ALOX15: variants seen among roughly 807,000 people sequenced by gnomAD.
ALOX15 encodes polyunsaturated fatty acid lipoxygenase ALOX15.
In ALOX15, 68 loss-of-function variants were observed where a neutral mutation model predicts 71.7. The ratio of observed to expected loss-of-function variants is 0.95; its 90% CI spans 0.78 to 1.16. ALOX15 has a LOEUF of 1.16. Ranked by LOEUF, ALOX15 falls within the 50% of genes most tolerant of loss-of-function variation. The pLI is 0.00. For missense variants in ALOX15, 798 were observed against 818.8 expected, an observed-to-expected ratio of 0.97 and a Z score of 0.31; for synonymous variants, 346 against 333.3, an observed-to-expected ratio of 1.04 and a Z score of -0.42.
chr17:4,631,531 C>G lies in ALOX15; in HGVS notation c.*69G>C, dbSNP rs1013958289. ...GAGGGTGGGACTTGGGAGGGCAGGGCTATAACCACGAAGGGGTCAGCTTGT... is the reference window on the plus strand; with the variant it reads ...GAGGGTGGGACTTGGGAGGGCAGGGGTATAACCACGAAGGGGTCAGCTTGT... On this transcript the variant is annotated 3_prime_UTR_variant, in exon 14 of 14. Coordinates refer to ENST00000293761, the MANE Select transcript of ALOX15 (RefSeq NM_001140.5). 6.4e-7 allele frequency: 1 copy of G among 1,572,888 alleles called. No homozygotes were observed. The highest frequency in any genetic ancestry group is 1.3e-5 in the African/African-American group (1 of 74,420).
intron 8 of ALOX15, 51 bp from the exon 9 acceptor site, chr17:4,633,551 C>A (rs1007077691): frequency 1.3e-6 from 2 of 1,513,400 alleles, no homozygotes; most frequent in African/African-American, 1.4e-5. Context: ...GCTGCAAGAT[C>A]CCTGCAGGAA....
chr17:4,636,438 C>T (rs982395933), intron 7 of ALOX15, among the ~76,000 whole-genome samples: 2 of 152,192 alleles, frequency 1.3e-5, no homozygotes, highest in African/African-American at 4.8e-5. Flanking sequence ...TTTATCGGTG[C>T]TATTTCTGCA....
At chr17:4,632,469 G>A (rs970736541) in intron 11 of ALOX15, among the ~76,000 whole-genome samples, 188 bp from the exon 12 acceptor site, 1 of 152,222 alleles carries the variant, frequency 6.6e-6, no homozygotes, top group Non-Finnish European at 1.5e-5. Flanking sequence ...GTCCCACTCA[G>A]TGGGGTGCTG....
chr17:4,636,636 G>A (rs1911110656), intron 7 of ALOX15, among the ~76,000 whole-genome samples: 3 of 151,972 alleles, frequency 2.0e-5, no homozygotes, highest in African/African-American at 7.3e-5. Flanking sequence ...AAACACCACT[G>A]CCCACACCGC....
At position 4,631,941 on chromosome 17, in the gene ALOX15, G is replaced by A; in HGVS notation, c.1757C>T (p.Ala586Val). 1 of 1,614,126 alleles carries A rather than the reference G, an allele frequency of 6.2e-7. No homozygotes were observed. The highest frequency in any genetic ancestry group is 8.5e-7 in the Non-Finnish European group (1 of 1,180,036). ...VMATLPNFHQ[A>V]SLQMSITWQL... ...CCAAGTGATGGACATCTGGAGAGAAGCCTGGTGGAAGTTGGGCAGTGTCGC... is the reference window on the plus strand; with the variant it reads ...CCAAGTGATGGACATCTGGAGAGAAACCTGGTGGAAGTTGGGCAGTGTCGC... The change falls in exon 13 of 14, where the codon GCT becomes GTT. Residue 586 changes from alanine to valine, a missense_variant. Ala to Val is a moderately conservative substitution (Grantham distance 64). Transcript: ENST00000293761.
intron 12 of ALOX15, 38 bp from the exon 13 acceptor site, chr17:4,632,094 A>T (rs1910926292): frequency 6.2e-7 from 1 of 1,609,428 alleles, no homozygotes; most frequent in African/African-American, 1.3e-5. Context: ...GTGCCTACCA[A>T]GCACGCGAGC....
chr17:4,635,079 C>A (rs1469076020), intron 8 of ALOX15, among the ~76,000 whole-genome samples: 1 of 151,934 alleles, frequency 6.6e-6, no homozygotes, highest in African/African-American at 2.4e-5. Flanking sequence ...CCTCCAGAGC[C>A]TGGTCTCCTC....
rs764536689 is a variant in ALOX15 at position 4,639,149 on chromosome 17, G to T, written c.338-17C>A. 85 of 1,613,802 alleles carry T rather than the reference G, an allele frequency of 5.3e-5. No homozygotes were observed. The highest frequency in any genetic ancestry group is 6.9e-5 in the Non-Finnish European group (82 of 1,179,954). ...CAGTGCGGCCTAGAAGGACAGAGGAGGACTTGGCCAGTGACTTTTGGTGAG... is the reference window on the plus strand; with the variant it reads ...CAGTGCGGCCTAGAAGGACAGAGGATGACTTGGCCAGTGACTTTTGGTGAG... On this transcript the variant is annotated splice_polypyrimidine_tract_variant and intron_variant, in intron 2 of 13. Coordinates refer to ENST00000293761, the MANE Select transcript of ALOX15 (RefSeq NM_001140.5).
chr17:4,634,667 A>G (rs564171876), intron 8 of ALOX15, among the ~76,000 whole-genome samples: 4 of 152,074 alleles, frequency 2.6e-5, no homozygotes, highest in South Asian at 2.1e-4. Context: ...ATATCACATT[A>G]TATCTGTGCT....
At chr17:4,633,683 A>C (rs1050166399) in intron 8 of ALOX15, among the ~76,000 whole-genome samples, 183 bp from the exon 9 acceptor site, 5 of 152,218 alleles carry the variant, frequency 3.3e-5, no homozygotes, top group African/African-American at 9.7e-5. Flanking sequence ...ATTACTGGAT[A>C]TATACCTCCC....
At chr17:4,637,305 T>G (rs569351176) in intron 6 of ALOX15, 47 bp from the exon 7 acceptor site, 1 of 1,562,492 alleles carries the variant, frequency 6.4e-7, no homozygotes, top group Admixed American at 1.8e-5. Flanking sequence ...TAAAGCATCT[T>G]CTTCCTACTC....
At chr17:4,638,131 G>C (rs1310828231) in intron 6 of ALOX15, 86 bp downstream of exon 6, 1 of 580,010 alleles carries the variant, frequency 1.7e-6, no homozygotes, top group African/African-American at 1.9e-5. Context: ...AGCAAGCCAG[G>C]CCCACAGTGG....
At chr17:4,640,948 G>C (rs146751090) in intron 1 of ALOX15, among the ~76,000 whole-genome samples, 3,386 of 151,364 alleles carry the variant, frequency 0.022, 16 homozygotes, top group Non-Finnish European at 0.033. Flanking sequence ...CCGGATTTGG[G>C]GATCTGGGAG....
chr17:4,632,232 G>T lies in ALOX15; in HGVS notation c.1590C>A (p.Thr530=), dbSNP rs2150534650. ...QARDQVCHFV[T]MCIFTCTGQH... is the part of the protein sequence containing the mutation. ...GGCCGGTGCAGGTGAAGATACACATGGTGACAAAGTGGCAAACCTGGTCCC... is the reference window on the plus strand; with the variant it reads ...GGCCGGTGCAGGTGAAGATACACATTGTGACAAAGTGGCAAACCTGGTCCC... The change falls in exon 12 of 14, where the codon ACC becomes ACA. Residue 530 remains threonine (T), a synonymous_variant. Coordinates refer to ENST00000293761, the MANE Select transcript of ALOX15 (RefSeq NM_001140.5). 6.2e-7 allele frequency: 1 copy of T among 1,614,228 alleles called. No individual in the cohort carries two copies. Among genetic ancestry groups the T allele is most frequent in the South Asian group, 1.1e-5 (1 of 91,080 alleles).
chr17:4,633,522 A>G, intron 8 of ALOX15, 22 bp from the exon 9 acceptor site: 1 of 1,600,180 alleles, frequency 6.2e-7, no homozygotes, highest in Middle Eastern at 1.7e-4. Context: ...AACACAGGGA[A>G]GGGCAGAGTC....
At chr17:4,633,988 C>T (rs1456180762) in intron 8 of ALOX15, among the ~76,000 whole-genome samples, 1 of 152,132 alleles carries the variant, frequency 6.6e-6, no homozygotes, top group Non-Finnish European at 1.5e-5. Context: ...ATTGAGTACA[C>T]ATGGACACAA....
At chr17:4,637,324 C>T in intron 6 of ALOX15, 66 bp from the exon 7 acceptor site, 1 of 1,533,616 alleles carries the variant, frequency 6.5e-7, no homozygotes, top group Non-Finnish European at 8.8e-7. Context: ...TCGGATTCCT[C>T]CAAGGGGGAA....
chr17:4,637,440 G>T lies in ALOX15; in HGVS notation c.808-182C>A, dbSNP rs1056010894. Among the ~76,000 whole-genome samples, 8 of 151,964 alleles carry T rather than the reference G, an allele frequency of 5.3e-5. No homozygotes were observed. The South Asian group carries it at 8.3e-4, about 16-fold the overall frequency. On this transcript the variant is annotated intron_variant, in intron 6 of 13. Coordinates refer to ENST00000293761, the MANE Select transcript of ALOX15 (RefSeq NM_001140.5). The stretch of plus-strand genomic sequence containing the variant: ...TTTTTAATCAGGGTCTTACCGTGCT[G>T]CCCAGGCTGGAGTGCGTGGCAGGAT...
intron 1 of ALOX15, 109 bp downstream of exon 1, chr17:4,641,408 T>C (rs1314206867): frequency 3.4e-6 from 5 of 1,489,734 alleles, no homozygotes; most frequent in Non-Finnish European, 4.5e-6. Flanking sequence ...GCGCGGGCCC[T>C]TGGCAAAGAG....
Sources: allele counts gnomAD v4.1 joint callset (sites outside exome capture counted in the v4.1 genomes callset), GRCh38; gene constraint gnomAD v4.1.1; transcripts MANE v1.5; gene names NCBI Gene and HGNC (gene_info 2026-07-23, HGNC 2026-07-21).